Variants in PRUNE2 observed in about 807,000 individuals in gnomAD.
PRUNE2 encodes prune homolog 2 with BCH domain.
A neutral mutation model predicts 252.0 loss-of-function variants in PRUNE2; 164 were observed. The ratio of observed to expected loss-of-function variants is 0.65; its 90% CI spans 0.57 to 0.74. The LOEUF is 0.74. Ranked by LOEUF, PRUNE2 falls within the 30% of genes least tolerant of loss-of-function variation. The probability of loss-of-function intolerance (pLI) is 0.00; values close to 1 mark genes in which losing one functional copy is unlikely to be tolerated. For synonymous variants in PRUNE2, 1,292 were observed against 1,350.2 expected (o/e 0.96, Z 0.94); for missense variants, 3,495 against 3,711.0 (o/e 0.94, Z 1.51).
At chr9:76,823,230 A>G (rs555389988) in intron 6 of PRUNE2, 65 of 154,280 alleles carry the variant, frequency 4.2e-4, no homozygotes, top group Non-Finnish European at 7.5e-4. Context: ...AGATCAAAAG[A>G]CAACTTGCTT....
chr9:76,889,851 A>C (rs527284329), intron 1 of PRUNE2, among the ~76,000 whole-genome samples: 1 of 152,168 alleles, frequency 6.6e-6, no homozygotes, highest in African/African-American at 2.4e-5. Context: ...CTCACTACTC[A>C]GATTTGTGGG....
intron 5 of PRUNE2, among the ~76,000 whole-genome samples, chr9:76,825,764 C>T (rs1290909737): frequency 6.6e-6 from 1 of 152,154 alleles, no homozygotes; most frequent in Non-Finnish European, 1.5e-5. Context: ...CCTTGCCAAG[C>T]TATGCCATCA....
At chr9:76,865,850 A>ACACAC (rs2060811969) in intron 1 of PRUNE2, among the ~76,000 whole-genome samples, 1 of 125,372 alleles carries the variant, frequency 8.0e-6, no homozygotes, top group Non-Finnish European at 1.7e-5. Context: ...CACACACACC[A>ACACAC]GAGCATTATG....
At chr9:76,626,010 C>G (rs1441213170) in intron 16 of PRUNE2, among the ~76,000 whole-genome samples, 5 of 152,060 alleles carry the variant, frequency 3.3e-5, no homozygotes, top group Admixed American at 6.6e-5. Flanking sequence ...TACTGTTGGC[C>G]ATGAGTTCAA....
chr9:76,766,008 C>T (rs1326589621), intron 6 of PRUNE2, among the ~76,000 whole-genome samples: 3 of 151,892 alleles, frequency 2.0e-5, no homozygotes, highest in African/African-American at 4.8e-5. Flanking sequence ...TGATGAAACC[C>T]CGTCTCTACT....
intron 1 of PRUNE2, among the ~76,000 whole-genome samples, chr9:76,861,930 G>A (rs2060574321): frequency 6.6e-6 from 1 of 152,048 alleles, no homozygotes; most frequent in Admixed American, 6.6e-5. Flanking sequence ...TCCCTGAAGG[G>A]CTCCTAAGGG....
At chr9:76,737,183 C>T (rs1482111657) in intron 6 of PRUNE2, 1 of 152,170 alleles carries the variant, frequency 6.6e-6, no homozygotes, top group Admixed American at 6.5e-5. Flanking sequence ...TACCTTGTAC[C>T]TTCTCTTCCT....
intron 4 of PRUNE2, among the ~76,000 whole-genome samples, chr9:76,832,391 G>C (rs1239066199): frequency 6.6e-6 from 1 of 151,926 alleles, no homozygotes; most frequent in Non-Finnish European, 1.5e-5. Flanking sequence ...AATTTCAAAA[G>C]GTGGCCACTA....
chr9:76,839,246 G>T (rs891729438), intron 4 of PRUNE2, among the ~76,000 whole-genome samples: 3 of 152,028 alleles, frequency 2.0e-5, no homozygotes, highest in African/African-American at 7.2e-5. Context: ...GTTTATCGAG[G>T]GCCTACTCTG....
chr9:76,737,140 T>C (rs1014890832), intron 6 of PRUNE2: 6 of 152,220 alleles, frequency 3.9e-5, no homozygotes, highest in African/African-American at 1.4e-4. Flanking sequence ...ATGTGCTCAA[T>C]TGTAGCCTTG....
In PRUNE2 at chr9:76,709,971, AAAG is replaced by A. The variant is rs1394488449; in HGVS notation, c.2300_2302del (p.Ser767del). 1.2e-6 allele frequency: 2 copies of A among 1,613,632 alleles called. No homozygotes were observed. Among genetic ancestry groups the A allele is most frequent in the Non-Finnish European group, 1.7e-6 (2 of 1,179,808 alleles). On this transcript the variant is annotated inframe_deletion, in exon 8 of 19. Transcript: ENST00000376718. ...TGTGGGAGAGCGACCAGAATGCCACAAAGAAGCAAAGTCTTCTATCAGGTGGTT... is the reference window on the plus strand; with the variant it reads ...TGTGGGAGAGCGACCAGAATGCCACAAAGCAAAGTCTTCTATCAGGTGGTT...
At chr9:76,625,208 T>G in intron 16 of PRUNE2, 1 of 417,726 alleles carries the variant, frequency 2.4e-6, no homozygotes, top group Non-Finnish European at 4.6e-6. Context: ...GGGTCAGTGA[T>G]GGACCACATA....
rs774446696 is a variant in PRUNE2 at position 76,710,352 on chromosome 9, G to A, written c.1922C>T (p.Thr641Ile). ...TEDMTQKATD[T>I]GHMGPPQTHA... ...GGTCTGAGGTGGCCCCATGTGACCT[G>A]TGTCAGTTGCTTTTTGGGTCATATC... Residue 641 changes from threonine (T) to isoleucine (I), a missense_variant, in exon 8 of 19, where the codon ACA becomes ATA. Thr to Ile is a moderately conservative substitution (Grantham distance 89). Coordinates refer to ENST00000376718, the MANE Select transcript of PRUNE2 (RefSeq NM_015225.3). 7.4e-6 allele frequency: 12 copies of A among 1,614,024 alleles called. No homozygotes were observed. The highest frequency in any genetic ancestry group is 1.0e-5 in the Non-Finnish European group (12 of 1,179,892).
intron 6 of PRUNE2, among the ~76,000 whole-genome samples, chr9:76,798,988 G>A (rs942890645): frequency 1.2e-4 from 19 of 152,188 alleles, no homozygotes; most frequent in Non-Finnish European, 2.5e-4. Flanking sequence ...TTACACTTAA[G>A]CCAGTCCAGA....
intron 6 of PRUNE2, chr9:76,759,613 T>C (rs551600810): frequency 3.9e-5 from 6 of 152,348 alleles, no homozygotes; most frequent in South Asian, 4.1e-4. Flanking sequence ...CTCCATTCCC[T>C]TTCCAGCTCC....
intron 1 of PRUNE2, among the ~76,000 whole-genome samples, chr9:76,877,361 C>T (rs1395390859): frequency 6.6e-6 from 1 of 152,158 alleles, no homozygotes; most frequent in Non-Finnish European, 1.5e-5. Flanking sequence ...AAAAAATTAG[C>T]CGGGTGTGGT....
intron 6 of PRUNE2, chr9:76,784,814 A>ACAT (rs1326297937): frequency 6.6e-6 from 1 of 152,484 alleles, no homozygotes; most frequent in Non-Finnish European, 1.5e-5. Flanking sequence ...TATCTAATCA[A>ACAT]CATCATCCTC....
At chr9:76,798,955 T>C (rs764417903) in intron 6 of PRUNE2, among the ~76,000 whole-genome samples, 2 of 152,142 alleles carry the variant, frequency 1.3e-5, no homozygotes, top group Non-Finnish European at 2.9e-5. Flanking sequence ...ACTGATAACT[T>C]TGGAAAAGAA....
chr9:76,833,173 C>A (rs889055775), intron 4 of PRUNE2, among the ~76,000 whole-genome samples: 2 of 151,958 alleles, frequency 1.3e-5, no homozygotes, highest in Non-Finnish European at 2.9e-5. Context: ...AACCTTAATA[C>A]CAATTAAACT....
Sources: gnomAD v4.1 joint callset for allele counts (sites outside exome capture counted in the v4.1 genomes callset) on GRCh38, gnomAD v4.1.1 for gene constraint, MANE v1.5 for transcripts, NCBI Gene and HGNC (gene_info 2026-07-23, HGNC 2026-07-21) for gene names.